The following PHTF1 variants were observed in gnomAD, a reference collection of about 807,000 sequenced individuals.
PHTF1 encodes putative homeodomain transcription factor 1.
PHTF1 carries 88 observed loss-of-function variants against 102.4 expected under a neutral mutation model. That is an observed-to-expected ratio of 0.86 (90% confidence interval 0.72 to 1.03). The LOEUF (loss-of-function observed/expected upper bound fraction) is 1.03, where lower values mean the gene tolerates loss of function less well. Ranked by LOEUF, PHTF1 falls within the 50% of genes least tolerant of loss-of-function variation. PHTF1 has a pLI of 0.00. For synonymous variants in PHTF1, 289 were observed against 305.2 expected, an observed-to-expected ratio of 0.95 and a Z score of 0.55; for missense variants, 814 against 909.5, an observed-to-expected ratio of 0.89 and a Z score of 1.35.
At chr1:113,716,967 G>A (rs1652145702) in intron 7 of PHTF1, among the ~76,000 whole-genome samples, 1 of 152,144 alleles carries the variant, frequency 6.6e-6, no homozygotes, top group African/African-American at 2.4e-5. Flanking sequence ...TCAATAGGAA[G>A]ACTAAAAGAT....
At chr1:113,757,448 C>A (rs112290265) in intron 3 of PHTF1, among the ~76,000 whole-genome samples, 416 of 152,330 alleles carry the variant, frequency 2.7e-3, no homozygotes, top group African/African-American at 9.6e-3. Flanking sequence ...AGCTAAGTAA[C>A]CCCAGCCCTA....
intron 17 of PHTF1, among the ~76,000 whole-genome samples, chr1:113,698,658 C>T (rs953409270): frequency 2.7e-5 from 4 of 149,548 alleles, no homozygotes; most frequent in Non-Finnish European, 5.9e-5. Context: ...CACACACACA[C>T]ATACACACAT....
At chr1:113,755,990 C>A (rs1316728507) in intron 3 of PHTF1, among the ~76,000 whole-genome samples, 1 of 151,498 alleles carries the variant, frequency 6.6e-6, no homozygotes, top group Non-Finnish European at 1.5e-5. Flanking sequence ...TGGTGTGAAC[C>A]CAGGAGGCGG....
intron 15 of PHTF1, among the ~76,000 whole-genome samples, chr1:113,702,915 T>C (rs1649610903): frequency 6.6e-6 from 1 of 152,162 alleles, no homozygotes; most frequent in East Asian, 1.9e-4. Context: ...GACATGACAA[T>C]TACATGCAAT....
At chr1:113,747,171 A>G (rs1278180720) in intron 3 of PHTF1, among the ~76,000 whole-genome samples, 1 of 152,216 alleles carries the variant, frequency 6.6e-6, no homozygotes, top group African/African-American at 2.4e-5. Context: ...TTTTTCCAAT[A>G]GAGTTTTATC....
At chr1:113,721,702 T>C (rs1652970391) in intron 7 of PHTF1, among the ~76,000 whole-genome samples, 1 of 152,302 alleles carries the variant, frequency 6.6e-6, no homozygotes. Context: ...AGCATTTCTT[T>C]TTTTTGAGAC....
At chr1:113,712,848 G>A (rs959481201) in intron 8 of PHTF1, among the ~76,000 whole-genome samples, 1 of 150,306 alleles carries the variant, frequency 6.7e-6, no homozygotes, top group African/African-American at 2.5e-5. Context: ...GTGCAGTGGC[G>A]CGATCTCGGC....
At chr1:113,710,182 G>A in intron 11 of PHTF1, 72 bp downstream of exon 11, 1 of 1,080,634 alleles carries the variant, frequency 9.3e-7, no homozygotes, top group Non-Finnish European at 1.4e-6. Flanking sequence ...AAAGTTAAAT[G>A]AGATGACAGA....
chr1:113,745,003 A>C, intron 3 of PHTF1, among the ~76,000 whole-genome samples: 1 of 115,100 alleles, frequency 8.7e-6, no homozygotes, highest in East Asian at 2.7e-4. Flanking sequence ...AGGGGAAGGG[A>C]GGGCAGGGCA....
At position 113,747,278 on chromosome 1, in the gene PHTF1, A is replaced by C. The variant is rs564214320; in HGVS notation, c.103-8479T>G. Among the ~76,000 whole-genome samples, 3 of 152,298 alleles carry C rather than the reference A, an allele frequency of 2.0e-5. No homozygotes were observed. In the East Asian group the frequency reaches 5.8e-4, roughly 29 times the overall value. ...TGAACTATTATATTTTCCTCTCACA[A>C]ATTTTTTGCTTGTCCTAGAACTGTA... On this transcript the variant is annotated intron_variant, in intron 3 of 18. Coordinates refer to ENST00000369604, the MANE Select transcript of PHTF1 (RefSeq NM_001323043.2).
intron 3 of PHTF1, among the ~76,000 whole-genome samples, chr1:113,754,095 T>C (rs1055851145): frequency 6.6e-6 from 1 of 152,198 alleles, no homozygotes; most frequent in African/African-American, 2.4e-5. Flanking sequence ...AACCACTTTG[T>C]CATAAATTCC....
At chr1:113,701,518 T>G (rs1449087612) in intron 15 of PHTF1, among the ~76,000 whole-genome samples, 1 of 152,054 alleles carries the variant, frequency 6.6e-6, no homozygotes, top group African/African-American at 2.4e-5. Context: ...AAGATGGAAT[T>G]TACTGAAAAA....
chr1:113,754,410 C>CA (rs199692959), intron 3 of PHTF1, among the ~76,000 whole-genome samples: 15,797 of 128,080 alleles, frequency 0.12, 1,021 homozygotes, highest in East Asian at 0.25. Flanking sequence ...GACCCTGTCT[C>CA]AAAAAAAAAA....
intron 3 of PHTF1, among the ~76,000 whole-genome samples, chr1:113,745,101 G>A (rs553621304): frequency 6.6e-6 from 1 of 152,064 alleles, no homozygotes. Flanking sequence ...AGATAGCATG[G>A]TAAAAACTAA....
At chr1:113,715,675 A>AAAAAAAAAAAAAAAAAAT (rs1651888796) in intron 7 of PHTF1, among the ~76,000 whole-genome samples, 1 of 145,212 alleles carries the variant, frequency 6.9e-6, no homozygotes, top group African/African-American at 2.6e-5. Context: ...AAAAAAAAAA[A>AAAAAAAAAAAAAAAAAAT]AAAAAGCTAT....
In PHTF1 at chr1:113,696,908, C is replaced by T. The variant is rs1039012337; in HGVS notation, c.*797G>A. ...TATCAATGATGCTTGTGATAGGACACATAGCACTGTGTTAGGAACCACAAC... is the reference window on the plus strand; with the variant it reads ...TATCAATGATGCTTGTGATAGGACATATAGCACTGTGTTAGGAACCACAAC... On this transcript the variant is annotated 3_prime_UTR_variant, in exon 19 of 19. Coordinates refer to ENST00000369604, the MANE Select transcript of PHTF1 (RefSeq NM_001323043.2). 1 of 152,140 alleles carries T rather than the reference C, an allele frequency of 6.6e-6. No homozygotes were observed. The highest frequency in any genetic ancestry group is 1.5e-5 in the Non-Finnish European group (1 of 68,036). The allele number at this position is 152,140 out of a possible 1,614,324, so 9.4% of individuals were successfully genotyped here.
At chr1:113,723,953 G>A (rs1169809017) in intron 7 of PHTF1, among the ~76,000 whole-genome samples, 1 of 152,092 alleles carries the variant, frequency 6.6e-6, no homozygotes, top group Non-Finnish European at 1.5e-5. Flanking sequence ...ATTTTAAAAT[G>A]GGCAAAAGAT....
intron 3 of PHTF1, among the ~76,000 whole-genome samples, chr1:113,752,529 T>TAGCTGGGACTACAGG (rs1658253428): frequency 3.1e-5 from 1 of 31,842 alleles, no homozygotes; most frequent in African/African-American, 2.7e-4. Flanking sequence ...GCCTCCCCAG[T>TAGCTGGGACTACAGG]AGCCTGCAAC....
intron 7 of PHTF1, 22 bp from the exon 8 acceptor site, chr1:113,713,460 G>A: frequency 7.3e-7 from 1 of 1,378,480 alleles, no homozygotes; most frequent in Non-Finnish European, 1.0e-6. Context: ...AAAAGGAAAA[G>A]AAGATTAATT....
Sources: gnomAD v4.1 joint callset for allele counts (sites outside exome capture counted in the v4.1 genomes callset) on GRCh38, gnomAD v4.1.1 for gene constraint, MANE v1.5 for transcripts, NCBI Gene and HGNC (gene_info 2026-07-23, HGNC 2026-07-21) for gene names.